Variants in RAD51B observed in about 807,000 individuals in gnomAD.
RAD51B encodes the protein RAD51 paralog B.
A neutral mutation model predicts 42.2 loss-of-function variants in RAD51B; 38 were observed. That is an observed-to-expected ratio of 0.90 (90% CI 0.70 to 1.18). The LOEUF is 1.18. RAD51B is among the 50% of genes most tolerant of loss of function. The probability of loss-of-function intolerance (pLI) is 0.00; values close to 1 mark genes in which losing one functional copy is unlikely to be tolerated. For missense variants in RAD51B, 373 were observed against 400.7 expected (o/e 0.93, Z 0.59); for synonymous variants, 154 against 145.2 (o/e 1.06, Z -0.43).
At chr14:68,221,277 A>G (rs2079920598) in intron 7 of RAD51B, among the ~76,000 whole-genome samples, 1 of 152,210 alleles carries the variant, frequency 6.6e-6, no homozygotes, top group Non-Finnish European at 1.5e-5. Context: ...GAGGCATCAC[A>G]TTACCCAACT....
At chr14:67,861,052 G>A (rs2042147610) in intron 4 of RAD51B, among the ~76,000 whole-genome samples, 1 of 152,066 alleles carries the variant, frequency 6.6e-6, no homozygotes. Context: ...AATTACCTGG[G>A]TATGGTGATG....
At chr14:68,434,465 C>T (rs756871363) in intron 9 of RAD51B, among the ~76,000 whole-genome samples, 1 of 152,212 alleles carries the variant, frequency 6.6e-6, no homozygotes, top group Admixed American at 6.5e-5. Flanking sequence ...CCCCCAGCCT[C>T]GCTGCTGCCT....
At chr14:68,257,408 A>C (rs993130094) in intron 7 of RAD51B, among the ~76,000 whole-genome samples, 3 of 152,156 alleles carry the variant, frequency 2.0e-5, no homozygotes, top group Non-Finnish European at 4.4e-5. Flanking sequence ...TAAAAATTAA[A>C]ATAAAATTAA....
intron 5 of RAD51B, among the ~76,000 whole-genome samples, chr14:67,873,878 A>G (rs2042632548): frequency 6.9e-6 from 1 of 144,334 alleles, no homozygotes; most frequent in African/African-American, 2.5e-5. Context: ...CATAGGTGGG[A>G]ATTGAACAAT....
exon 11 of RAD51B, chr14:68,595,062 G>A (rs1890933657): frequency 1.9e-6 from 2 of 1,069,090 alleles, no homozygotes; most frequent in South Asian, 4.4e-5. Flanking sequence ...TTTACTCAGT[G>A]CTCCTGAGCC....
At chr14:68,141,624 CATT>C (rs1315320096) in intron 7 of RAD51B, among the ~76,000 whole-genome samples, 1 of 152,098 alleles carries the variant, frequency 6.6e-6, no homozygotes, top group Admixed American at 6.6e-5. Context: ...ATTACATTAA[CATT>C]ATTATTTGGT....
At chr14:68,473,755 C>T (rs1882302243) in intron 10 of RAD51B, among the ~76,000 whole-genome samples, 1 of 151,940 alleles carries the variant, frequency 6.6e-6, no homozygotes, top group Admixed American at 6.6e-5. Flanking sequence ...AACTTTAGGA[C>T]TCCTTTGTAC....
In RAD51B at chr14:68,157,490, A is replaced by G. The variant is rs943872368; in HGVS notation, c.757-134394A>G. ...TAGGTAGTGTAAGAATTTCAGAACT[A>G]AAATAGTCTGAGAAGTCATTTGGAA... is the stretch of plus-strand genomic sequence containing the variant. On this transcript the variant is annotated intron_variant, in intron 7 of 10. Coordinates refer to ENST00000471583, the MANE Select transcript of RAD51B (RefSeq NM_133510.4). 3.9e-5 allele frequency among the ~76,000 whole-genome samples: 6 copies of G among 152,340 alleles called. No homozygotes were observed. In the East Asian group the frequency reaches 1.2e-3, roughly 29 times the overall value.
chr14:68,610,877 G>GTGTGTGTGTGTT, intron 10 of RAD51B: 1 of 575,270 alleles, frequency 1.7e-6, no homozygotes, highest in South Asian at 1.9e-5. Context: ...GTGTGTGTGT[G>GTGTGTGTGTGTT]TGTGTGTGTC....
At chr14:68,128,839 A>C (rs911898703) in intron 7 of RAD51B, among the ~76,000 whole-genome samples, 4 of 152,214 alleles carry the variant, frequency 2.6e-5, no homozygotes, top group African/African-American at 9.6e-5. Flanking sequence ...GTAGCTCTCT[A>C]TTTTAAAAGA....
intron 8 of RAD51B, among the ~76,000 whole-genome samples, chr14:68,345,580 TG>T (rs2082661239): frequency 6.6e-6 from 1 of 152,228 alleles, no homozygotes; most frequent in East Asian, 1.9e-4. Flanking sequence ...TACCAGAAGC[TG>T]AGCAGATGCC....
intron 3 of RAD51B, among the ~76,000 whole-genome samples, chr14:67,834,583 C>T (rs759129380): frequency 1.6e-4 from 24 of 152,122 alleles, no homozygotes; most frequent in Admixed American, 1.3e-4. Flanking sequence ...CATCTTTCAA[C>T]CATTCTAAAT....
chr14:68,111,803 C>T (rs1291046347), intron 7 of RAD51B, among the ~76,000 whole-genome samples: 1 of 152,066 alleles, frequency 6.6e-6, no homozygotes. Context: ...CCATAACAGA[C>T]TCAAAGCAGA....
At chr14:68,426,003 CCTTCCTTTCTTT>C (rs1244938409) in intron 9 of RAD51B, among the ~76,000 whole-genome samples, 1 of 130,030 alleles carries the variant, frequency 7.7e-6, no homozygotes. Flanking sequence ...TTCCTTCCTT[CCTTCCTTTCTTT>C]CTTTCTTTCT....
intron 10 of RAD51B, among the ~76,000 whole-genome samples, chr14:68,552,135 C>A (rs1170305349): frequency 6.6e-6 from 1 of 152,188 alleles, no homozygotes; most frequent in African/African-American, 2.4e-5. Context: ...GATACAGTAA[C>A]CCTGGATTTA....
At chr14:68,275,296 A>C (rs141311740) in intron 7 of RAD51B, among the ~76,000 whole-genome samples, 6 of 152,324 alleles carry the variant, frequency 3.9e-5, no homozygotes, top group Non-Finnish European at 8.8e-5. Context: ...AATTTATATG[A>C]AAGTAACATT....
intron 4 of RAD51B, among the ~76,000 whole-genome samples, chr14:67,861,814 A>G (rs1344550789): frequency 6.6e-6 from 1 of 152,224 alleles, no homozygotes; most frequent in African/African-American, 2.4e-5. Context: ...ATAAAAACAC[A>G]GAATGTTTTT....
intron 10 of RAD51B, among the ~76,000 whole-genome samples, chr14:68,609,031 A>G (rs988878104): frequency 2.6e-5 from 4 of 151,168 alleles, no homozygotes; most frequent in African/African-American, 9.7e-5. Flanking sequence ...GCTGATGTCC[A>G]CTCTCTGGCC....
chr14:68,230,611 A>G (rs2080129889), intron 7 of RAD51B, among the ~76,000 whole-genome samples: 1 of 152,208 alleles, frequency 6.6e-6, no homozygotes, highest in Admixed American at 6.5e-5. Flanking sequence ...TTCAAAGGCA[A>G]CAGATGTCTA....
Sources: gnomAD v4.1 joint callset for allele counts (sites outside exome capture counted in the v4.1 genomes callset) on GRCh38, gnomAD v4.1.1 for gene constraint, MANE v1.5 for transcripts, NCBI Gene and HGNC (gene_info 2026-07-23, HGNC 2026-07-21) for gene names.